The following RNF212B variants were observed in gnomAD, a reference collection of about 807,000 sequenced individuals.
RNF212B encodes the protein ring finger protein 212B.
In RNF212B, 52 loss-of-function variants were observed where a neutral mutation model predicts 55.5. The ratio of observed to expected loss-of-function variants is 0.94; its 90% CI spans 0.75 to 1.18. The LOEUF is 1.18. Among genes scored for constraint, RNF212B ranks in the 50% most tolerant of loss-of-function variants. The pLI, the probability that RNF212B is intolerant of heterozygous loss-of-function variation, is 0.00. For missense variants in RNF212B, 289 were observed against 350.4 expected (o/e 0.82, Z 1.40); for synonymous variants, 99 against 121.4 (o/e 0.82, Z 1.21).
chr14:23,264,074 T>A, intron 9 of RNF212B, 100 bp from the exon 10 acceptor site: 2 of 894,676 alleles, frequency 2.2e-6, no homozygotes, highest in Non-Finnish European at 1.7e-6. Context: ...GGCAACAGAG[T>A]GAGACTCTGT....
chr14:23,194,733 T>TCA (rs1878473295), intron 2 of RNF212B, among the ~76,000 whole-genome samples: 1 of 18,254 alleles, frequency 5.5e-5, no homozygotes, highest in Non-Finnish European at 1.2e-4. Flanking sequence ...AGACTCTGTC[T>TCA]CAAAAAAAAA....
chr14:23,224,652 T>C (rs1471880758), intron 2 of RNF212B, among the ~76,000 whole-genome samples: 4 of 152,122 alleles, frequency 2.6e-5, no homozygotes, highest in Non-Finnish European at 5.9e-5. Context: ...TGAAACTACT[T>C]CAAGAAAACA....
chr14:23,223,334 C>A (rs1223306490), intron 2 of RNF212B, among the ~76,000 whole-genome samples: 1 of 151,384 alleles, frequency 6.6e-6, no homozygotes, highest in Non-Finnish European at 1.5e-5. Context: ...TAATATTACA[C>A]TGAATGGAGA....
intron 2 of RNF212B, among the ~76,000 whole-genome samples, chr14:23,226,497 G>T (rs1418804580): frequency 1.3e-5 from 2 of 151,704 alleles, no homozygotes; most frequent in Non-Finnish European, 2.9e-5. Flanking sequence ...CGGACATGGC[G>T]GCGTGCGCCT....
chr14:23,269,665 T>A (rs1489160887), intron 12 of RNF212B, among the ~76,000 whole-genome samples, 198 bp from the exon 13 acceptor site: 1 of 151,092 alleles, frequency 6.6e-6, no homozygotes, highest in Non-Finnish European at 1.5e-5. Context: ...TGAGCCATGA[T>A]CATACTACTG....
rs989460712 is a variant in RNF212B, at chr14:23,264,087, GA to G, written c.525-80del. 2.2e-4 allele frequency: 252 copies of G among 1,150,352 alleles called. No individual in the cohort carries two copies. The Middle Eastern group carries it at 2.2e-3, about 10-fold the overall frequency. The allele number at this position is 1,150,352 out of a possible 1,614,324, so 71.3% of individuals were successfully genotyped here. On this transcript the variant is annotated intron_variant, in intron 9 of 14. Coordinates refer to ENST00000430154, the MANE Select transcript of RNF212B (RefSeq NM_001282322.3). ...TGGGCAACAGAGTGAGACTCTGTCTGAAAAAAACCAAAACAAAAAAACAACA... is the reference window on the plus strand; with the variant it reads ...TGGGCAACAGAGTGAGACTCTGTCTGAAAAAACCAAAACAAAAAAACAACA...
chr14:23,239,126 C>G (rs940358988), intron 1 of RNF212B, among the ~76,000 whole-genome samples: 1 of 152,094 alleles, frequency 6.6e-6, no homozygotes, highest in Non-Finnish European at 1.5e-5. Context: ...TGCAGTGGCA[C>G]GATCTTGGCT....
rs139165117 is a variant in RNF212B, at chr14:23,244,937, A to G, written c.228+541A>G. Among the ~76,000 whole-genome samples the G allele has an allele frequency of 6.5e-3, 990 of 152,320 alleles. 12 individuals carry two copies. The highest frequency in any genetic ancestry group is 0.022 in the African/African-American group (928 of 41,560). ...CTTGATGTGTCATATGTTGGCATAC[A>G]ATTGACTTGATCAGGAGCAACAGGA... On this transcript the variant is annotated intron_variant, in intron 4 of 14. Coordinates refer to ENST00000430154, the MANE Select transcript of RNF212B (RefSeq NM_001282322.3).
At chr14:23,210,814 A>G (rs997732918) in intron 2 of RNF212B, among the ~76,000 whole-genome samples, 11 of 147,420 alleles carry the variant, frequency 7.5e-5, no homozygotes, top group Admixed American at 5.5e-4. Flanking sequence ...GGATGATAAC[A>G]TTAGGGAAAA....
chr14:23,243,189 A>G, intron 2 of RNF212B, 67 bp from the exon 3 acceptor site: 1 of 1,180,430 alleles, frequency 8.5e-7, no homozygotes, highest in Non-Finnish European at 1.2e-6. Flanking sequence ...GTTGCCATGT[A>G]CTTTAAGTCT....
intron 2 of RNF212B, among the ~76,000 whole-genome samples, chr14:23,222,143 C>T (rs1881628301): frequency 6.6e-6 from 1 of 151,192 alleles, no homozygotes; most frequent in Admixed American, 6.6e-5. Flanking sequence ...TGGATCAGAG[C>T]AGAAATAAAT....
chr14:23,247,033 G>A (rs1884034512), intron 4 of RNF212B, among the ~76,000 whole-genome samples: 3 of 151,876 alleles, frequency 2.0e-5, no homozygotes, highest in Non-Finnish European at 4.4e-5. Flanking sequence ...CCAGCTACTC[G>A]GGAGGCTGAG....
intron 1 of RNF212B, among the ~76,000 whole-genome samples, chr14:23,239,270 G>T (rs1317214365): frequency 6.6e-6 from 1 of 152,182 alleles, no homozygotes; most frequent in African/African-American, 2.4e-5. Flanking sequence ...ACGTTGGCCA[G>T]GCTGGTCTTG....
rs558478774 is a variant in RNF212B, at chr14:23,214,435, G to A, written c.-2+21034G>A. Among the ~76,000 whole-genome samples the A allele has an allele frequency of 1.1e-4, 16 of 152,068 alleles. No individual in the cohort carries two copies. In the East Asian group the frequency reaches 1.4e-3, roughly 13 times the overall value. ...CTTGAACCCAGGAGGTGGAGGTTGC[G>A]GTGAGCCCAAATTGCGCCAATGTAC... On this transcript the variant is annotated intron_variant, in intron 2 of 15. Coordinates refer to the RNF212B transcript ENST00000399910.
At chr14:23,232,784 TG>T (rs575105903) in intron 2 of RNF212B, among the ~76,000 whole-genome samples, 10,689 of 96,354 alleles carry the variant, frequency 0.11, 949 homozygotes, top group African/African-American at 0.27. Flanking sequence ...GGGAGGGAGG[TG>T]GGGGGGGGGT....
intron 1 of RNF212B, among the ~76,000 whole-genome samples, chr14:23,186,538 C>T (rs762839154): frequency 1.3e-4 from 20 of 151,968 alleles, no homozygotes; most frequent in Admixed American, 2.6e-4. Flanking sequence ...TTAGTAGAGA[C>T]GGGGTTTCAC....
intron 2 of RNF212B, among the ~76,000 whole-genome samples, chr14:23,232,756 C>A (rs1258536190): frequency 2.0e-5 from 3 of 146,876 alleles, no homozygotes; most frequent in East Asian, 2.1e-4. Flanking sequence ...AGCCCCCACC[C>A]GGCCAGCCGC....
At chr14:23,262,149 T>C (rs1217560388) in intron 7 of RNF212B, among the ~76,000 whole-genome samples, 1 of 152,196 alleles carries the variant, frequency 6.6e-6, no homozygotes, top group Non-Finnish European at 1.5e-5. Flanking sequence ...ATTACAACAC[T>C]TAAACACTGT....
intron 1 of RNF212B, among the ~76,000 whole-genome samples, chr14:23,191,602 C>A (rs1482639035): frequency 6.6e-6 from 1 of 151,952 alleles, no homozygotes; most frequent in Non-Finnish European, 1.5e-5. Flanking sequence ...ATGAAATAAT[C>A]TGATATCTTG....
Sources: allele counts gnomAD v4.1 joint callset (sites outside exome capture counted in the v4.1 genomes callset), GRCh38; gene constraint gnomAD v4.1.1; transcripts MANE v1.5; gene names NCBI Gene and HGNC (gene_info 2026-07-23, HGNC 2026-07-21).